Variants in ASIC2 observed in about 807,000 individuals in gnomAD.
ASIC2 encodes the protein acid sensing ion channel subunit 2.
A neutral mutation model predicts 57.3 loss-of-function variants in ASIC2; 25 were observed. The observed-to-expected ratio is 0.44, with a 90% CI of 0.32 to 0.61. ASIC2 has a LOEUF of 0.61. ASIC2 is among the 20% of genes least tolerant of loss of function. The probability of loss-of-function intolerance (pLI) is 0.06; values close to 1 mark genes in which losing one functional copy is unlikely to be tolerated. For missense variants in ASIC2, 641 were observed against 738.1 expected (o/e 0.87, Z 1.52); for synonymous variants, 319 against 307.5 (o/e 1.04, Z -0.39).
chr17:33,531,750 T>G (rs1330211482), intron 1 of ASIC2, among the ~76,000 whole-genome samples: 4 of 152,180 alleles, frequency 2.6e-5, no homozygotes, highest in Non-Finnish European at 5.9e-5. Flanking sequence ...ACTCCCAGCT[T>G]CTTTTTCTAT....
chr17:34,155,847 G>C (rs1043616035), intron 1 of ASIC2: 2 of 1,019,764 alleles, frequency 2.0e-6, no homozygotes, highest in Non-Finnish European at 2.8e-6. Flanking sequence ...AACTACCCTC[G>C]TGGCCTTCAG....
At position 33,597,452 on chromosome 17, in the gene ASIC2, T is replaced by G. The variant is rs190819576; in HGVS notation, c.556-485385A>C. On this transcript the variant is annotated intron_variant, in intron 1 of 9. Coordinates refer to the ASIC2 transcript ENST00000359872. ...ATAGGACATGTAGAACTGACAATCC[T>G]GCTTCCCTGTATAGATGACATGTCC... Among the ~76,000 whole-genome samples the G allele has an allele frequency of 2.0e-5, 3 of 152,318 alleles. No individual in the cohort carries two copies. In the East Asian group the frequency reaches 5.8e-4, roughly 29 times the overall value.
At chr17:33,943,555 AG>A (rs1428901564) in intron 1 of ASIC2, among the ~76,000 whole-genome samples, 4 of 152,154 alleles carry the variant, frequency 2.6e-5, no homozygotes, top group African/African-American at 9.7e-5. Flanking sequence ...AGACCCTAGA[AG>A]GTTAACAGAC....
chr17:33,698,135 T>C lies in ASIC2; in HGVS notation c.555+457843A>G, dbSNP rs1908585214. ...TTATATACATTGTTCATTTTAATTT[T>C]CACGAGGAGTTATAATACCAGCATG... On this transcript the variant is annotated intron_variant, in intron 1 of 9. Coordinates refer to the ASIC2 transcript ENST00000359872. Among the ~76,000 whole-genome samples, 2 of 152,246 alleles carry C rather than the reference T, an allele frequency of 1.3e-5. 1 individual carries two copies. The highest frequency in any genetic ancestry group is 4.1e-4 in the South Asian group (2 of 4,830).
At position 34,145,572 on chromosome 17, in the gene ASIC2, G is replaced by T. The variant is rs116001557; in HGVS notation, c.555+10406C>A. 2.5e-3 allele frequency among the ~76,000 whole-genome samples: 376 copies of T among 152,348 alleles called. 1 individual carries two copies. The highest frequency in any genetic ancestry group is 8.9e-3 in the African/African-American group (368 of 41,570). ...CTCCTAGGACAACTCCTTCTAGTCT[G>T]CCGATATCCACTTATCTAAACTTTT... is the stretch of plus-strand genomic sequence containing the variant. On this transcript the variant is annotated intron_variant, in intron 1 of 9. Transcript: ENST00000359872.
At chr17:33,242,249 G>A (rs1036062496) in intron 1 of ASIC2, among the ~76,000 whole-genome samples, 3 of 151,672 alleles carry the variant, frequency 2.0e-5, no homozygotes, top group Admixed American at 6.6e-5. Context: ...CCTGGGAGGC[G>A]GAGCTTGCAG....
intron 1 of ASIC2, among the ~76,000 whole-genome samples, chr17:33,814,843 T>C (rs1195442012): frequency 6.6e-6 from 1 of 152,216 alleles, no homozygotes; most frequent in Admixed American, 6.5e-5. Flanking sequence ...GTGCTAGTAG[T>C]GTCTTTTGTG....
chr17:34,081,634 G>A (rs914839100), intron 1 of ASIC2, among the ~76,000 whole-genome samples: 14 of 152,256 alleles, frequency 9.2e-5, no homozygotes, highest in East Asian at 1.9e-4. Context: ...ACTCAAGTTC[G>A]TACTCTCAGC....
chr17:33,118,025 C>T (rs186419905), intron 1 of ASIC2, among the ~76,000 whole-genome samples: 183 of 152,238 alleles, frequency 1.2e-3, no homozygotes, highest in Non-Finnish European at 1.4e-3. Context: ...CCAGGGTAGC[C>T]AATGGGATTC....
intron 1 of ASIC2, among the ~76,000 whole-genome samples, chr17:33,951,932 A>C (rs1262255987): frequency 6.6e-6 from 1 of 152,042 alleles, no homozygotes; most frequent in Non-Finnish European, 1.5e-5. Context: ...TTTTCTTTTC[A>C]ATATCACCCT....
intron 1 of ASIC2, among the ~76,000 whole-genome samples, chr17:33,788,829 C>G (rs769001479): frequency 2.0e-5 from 3 of 152,068 alleles, no homozygotes; most frequent in Admixed American, 2.0e-4. Flanking sequence ...CATGTTCTCA[C>G]TCATAAGTGG....
intron 1 of ASIC2, among the ~76,000 whole-genome samples, chr17:33,891,991 T>C (rs1272085537): frequency 6.6e-6 from 1 of 152,176 alleles, no homozygotes; most frequent in Non-Finnish European, 1.5e-5. Flanking sequence ...TTGTGTGCAA[T>C]TTTGTAATCT....
intron 1 of ASIC2, among the ~76,000 whole-genome samples, chr17:33,185,201 A>G (rs1425723532): frequency 2.0e-5 from 3 of 152,116 alleles, no homozygotes; most frequent in Non-Finnish European, 4.4e-5. Flanking sequence ...CCTTTCTTAG[A>G]GCAATATGTT....
At chr17:34,053,459 T>A (rs1328948828) in intron 1 of ASIC2, among the ~76,000 whole-genome samples, 1 of 152,166 alleles carries the variant, frequency 6.6e-6, no homozygotes, top group Non-Finnish European at 1.5e-5. Flanking sequence ...TTTCCCAGGT[T>A]ATAAGCAGAG....
At chr17:33,911,077 C>T (rs1195654410) in intron 1 of ASIC2, among the ~76,000 whole-genome samples, 1 of 152,186 alleles carries the variant, frequency 6.6e-6, no homozygotes, top group Admixed American at 6.5e-5. Context: ...AGAGCGAGCG[C>T]CTATTGGGAA....
chr17:33,794,840 G>C (rs950747154), intron 1 of ASIC2: 2 of 152,120 alleles, frequency 1.3e-5, no homozygotes, highest in African/African-American at 4.8e-5. Flanking sequence ...GCAGCAGGTA[G>C]CACAGTTTAG....
chr17:33,342,619 C>T lies in ASIC2; in HGVS notation c.556-230552G>A, dbSNP rs527386939. On this transcript the variant is annotated intron_variant, in intron 1 of 9. Transcript: ENST00000359872. ...CATTGACTAAGTCCACATTATGACA[C>T]GACTGATTATTAACTCTCAATCCAG... 3.9e-5 allele frequency among the ~76,000 whole-genome samples: 6 copies of T among 152,250 alleles called. 1 individual carries two copies. In the South Asian group the frequency reaches 8.3e-4, roughly 21 times the overall value.
intron 1 of ASIC2, among the ~76,000 whole-genome samples, chr17:33,508,784 A>T (rs1052214071): frequency 6.6e-6 from 1 of 152,136 alleles, no homozygotes; most frequent in East Asian, 1.9e-4. Context: ...CTCCCATGCA[A>T]ACCTCCTATG....
At chr17:33,340,886 C>T (rs567937023) in intron 1 of ASIC2, among the ~76,000 whole-genome samples, 1 of 152,214 alleles carries the variant, frequency 6.6e-6, no homozygotes, top group South Asian at 2.1e-4. Flanking sequence ...GAGGAACTCA[C>T]TCTCAGGGAA....
Sources: allele counts gnomAD v4.1 joint callset (sites outside exome capture counted in the v4.1 genomes callset), GRCh38; gene constraint gnomAD v4.1.1; transcripts MANE v1.5; gene names NCBI Gene and HGNC (gene_info 2026-07-23, HGNC 2026-07-21).